The following HK2 variants were observed in gnomAD, a reference collection of about 807,000 sequenced individuals.
HK2 encodes the protein hexokinase-2.
In HK2, 42 loss-of-function variants were observed where a neutral mutation model predicts 92.9. That is an observed-to-expected ratio of 0.45 (90% CI 0.35 to 0.58). The LOEUF is 0.58. Among genes scored for constraint, HK2 ranks in the 20% least tolerant of loss-of-function variants. HK2 has a pLI of 0.00. For missense variants in HK2, 978 were observed against 1,245.1 expected, an observed-to-expected ratio of 0.79 and a Z score of 3.23; for synonymous variants, 422 against 468.0, an observed-to-expected ratio of 0.90 and a Z score of 1.27.
chr2:74,846,407 T>A (rs1185735901), intron 1 of HK2, among the ~76,000 whole-genome samples: 3 of 152,070 alleles, frequency 2.0e-5, no homozygotes, highest in Non-Finnish European at 4.4e-5. Flanking sequence ...CAGTAACAGA[T>A]CATTACCTGA....
chr2:74,883,367 C>CA (rs1246977791), intron 12 of HK2, among the ~76,000 whole-genome samples: 1 of 152,140 alleles, frequency 6.6e-6, no homozygotes, highest in Non-Finnish European at 1.5e-5. Flanking sequence ...AATCCGAGTG[C>CA]ATACCTGGGG....
chr2:74,870,161 A>C (rs1269241353), intron 3 of HK2, among the ~76,000 whole-genome samples: 3 of 151,808 alleles, frequency 2.0e-5, no homozygotes, highest in African/African-American at 7.3e-5. Context: ...GGTGTGCACC[A>C]CCAGGCCCGG....
At chr2:74,855,031 T>C (rs560946262) in intron 2 of HK2, among the ~76,000 whole-genome samples, 44 of 152,282 alleles carry the variant, frequency 2.9e-4, no homozygotes, top group African/African-American at 1.0e-3. Flanking sequence ...AGTTTCACTC[T>C]TGTTGCCCAG....
rs1689716739 is a variant in HK2, at chr2:74,892,961, G to A, written c.*2020G>A. 14 of 151,816 alleles carry A rather than the reference G, an allele frequency of 9.2e-5. No individual in the cohort carries two copies. Among genetic ancestry groups the A allele is most frequent in the Admixed American group, 9.2e-4 (14 of 15,264 alleles). The allele number at this position is 151,816 out of a possible 1,614,324, so 9.4% of individuals were successfully genotyped here. A position where few individuals can be genotyped will look rare whatever the true frequency, so the allele number is the denominator to read the frequency against. Reference sequence around the variant, plus strand: ...TGTAGATTTTAGTTCACTAAAGGGTGCCCACAAAATAGAGATTAATTTTAA... The same window carrying A: ...TGTAGATTTTAGTTCACTAAAGGGTACCCACAAAATAGAGATTAATTTTAA... On this transcript the variant is annotated 3_prime_UTR_variant, in exon 18 of 18. Coordinates refer to ENST00000290573, the MANE Select transcript of HK2 (RefSeq NM_000189.5).
rs78338320 is a variant in HK2 at position 74,843,547 on chromosome 2, G to A, written c.63+8904G>A. Among the ~76,000 whole-genome samples, 200 of 152,222 alleles carry A rather than the reference G, an allele frequency of 1.3e-3. 4 individuals carry two copies. The East Asian group carries it at 0.036, about 27-fold the overall frequency. On this transcript the variant is annotated intron_variant, in intron 1 of 17. Transcript: ENST00000290573. ...CCTGCCTTGGTTAAATCTTATCTCAGCGTTAACCAGGAGAGTGAGTCAGGC... is the reference window on the plus strand; with the variant it reads ...CCTGCCTTGGTTAAATCTTATCTCAACGTTAACCAGGAGAGTGAGTCAGGC...
intron 1 of HK2, among the ~76,000 whole-genome samples, chr2:74,836,460 G>T (rs1328715611): frequency 1.3e-5 from 2 of 152,154 alleles, no homozygotes; most frequent in Non-Finnish European, 2.9e-5. Context: ...TGGACAGCCC[G>T]TTTCTCTTTG....
intron 2 of HK2, 71 bp downstream of exon 2, chr2:74,854,526 C>T: frequency 6.4e-7 from 1 of 1,560,782 alleles, no homozygotes; most frequent in Non-Finnish European, 8.8e-7. Flanking sequence ...TGCTCAGGGA[C>T]CCAAATAACT....
chr2:74,860,471 G>A (rs747327872), intron 2 of HK2, among the ~76,000 whole-genome samples: 2 of 152,150 alleles, frequency 1.3e-5, no homozygotes, highest in Non-Finnish European at 2.9e-5. Context: ...ACATATGTGA[G>A]TTTTGCCTGT....
chr2:74,842,243 T>G (rs559269846), intron 1 of HK2, among the ~76,000 whole-genome samples: 1 of 152,252 alleles, frequency 6.6e-6, no homozygotes, highest in Non-Finnish European at 1.5e-5. Context: ...CTTGATTTTT[T>G]TTTGACTTCA....
At chr2:74,857,999 G>A (rs183379792) in intron 2 of HK2, among the ~76,000 whole-genome samples, 111 of 152,278 alleles carry the variant, frequency 7.3e-4, no homozygotes, top group African/African-American at 2.5e-3. Flanking sequence ...CAGAACATTC[G>A]TTTCTCAGCC....
rs1326439739 is a variant in HK2 at position 74,885,575 on chromosome 2, A to G, written c.1921A>G (p.Ile641Val). 6.2e-7 allele frequency: 1 copy of G among 1,612,638 alleles called. No homozygotes were observed. Among genetic ancestry groups the G allele is most frequent in the Non-Finnish European group, 8.5e-7 (1 of 1,178,736 alleles). Residue 641 changes from isoleucine to valine, a missense_variant, in exon 13 of 18, where the codon ATC (isoleucine) becomes GTC (valine). By Grantham distance (29) the Ile-to-Val change is conservative. This residue lies in a region of HK2 where 742 missense variants were observed against 922.5 expected (regional missense o/e 0.80). Transcript: ENST00000290573. ...CGTGGTGACCCTGCTGAAGGAAGCG[A>G]TCCACCGGCGAGAGGTAGGAGACAC... ...EDVVTLLKEA[I>V]HRREEFDLDV...
At chr2:74,853,015 GAATA>G (rs1033232419) in intron 1 of HK2, among the ~76,000 whole-genome samples, 2 of 152,176 alleles carry the variant, frequency 1.3e-5, no homozygotes, top group African/African-American at 4.8e-5. Context: ...CAAGTTCTTA[GAATA>G]ACAGGGAGGC....
At chr2:74,862,690 G>C (rs1225132770) in intron 2 of HK2, among the ~76,000 whole-genome samples, 1 of 152,182 alleles carries the variant, frequency 6.6e-6, no homozygotes, top group Non-Finnish European at 1.5e-5. Context: ...CGTAGTCCAG[G>C]CGATATAAAT....
intron 1 of HK2, among the ~76,000 whole-genome samples, chr2:74,846,256 ATCT>A (rs1275845050): frequency 2.0e-5 from 3 of 152,186 alleles, no homozygotes; most frequent in Non-Finnish European, 4.4e-5. Context: ...GACCTCTTTA[ATCT>A]TCTTTGGCTC....
At chr2:74,886,166 A>G in intron 13 of HK2, 128 bp from the exon 14 acceptor site, 1 of 786,168 alleles carries the variant, frequency 1.3e-6, no homozygotes, top group South Asian at 1.5e-5. Context: ...ACAGACCTGA[A>G]TGGAATGAGA....
intron 2 of HK2, among the ~76,000 whole-genome samples, chr2:74,863,956 C>A (rs914583122): frequency 1.3e-5 from 2 of 152,220 alleles, no homozygotes; most frequent in Non-Finnish European, 2.9e-5. Flanking sequence ...CAAGGAAGAG[C>A]CAGAGGCTCT....
At chr2:74,873,100 A>G (rs975702814) in intron 4 of HK2, among the ~76,000 whole-genome samples, 176 bp from the exon 5 acceptor site, 1 of 152,246 alleles carries the variant, frequency 6.6e-6, no homozygotes, top group Non-Finnish European at 1.5e-5. Flanking sequence ...ACTGTGTCTT[A>G]TAGTGCCAGT....
In HK2 at chr2:74,873,281, C is replaced by T. The variant is rs138918973; in HGVS notation, c.501C>T (p.Phe167=). ...PCHQTKLDES[F]LVSWTKGFKS... ...ACTTCTTGGTCCCTTTCCAGAGTTT[C>T]CTGGTCTCATGGACCAAGGGATTCA... Residue 167 remains phenylalanine, a synonymous_variant, in exon 5 of 18, where the codon TTC becomes TTT. Coordinates refer to ENST00000290573, the MANE Select transcript of HK2 (RefSeq NM_000189.5). 543 of 1,612,806 alleles carry T rather than the reference C, an allele frequency of 3.4e-4. 2 individuals are homozygous for T. The Middle Eastern group carries it at 3.8e-3, about 11-fold the overall frequency.
In HK2 at chr2:74,840,785, A is replaced by G. The variant is rs1688292697; in HGVS notation, c.63+6142A>G. On this transcript the variant is annotated intron_variant, in intron 1 of 17. Transcript: ENST00000290573. ...TCCCAGCTACTTGGGAGGCTGAGGCAGGAGAATCAGTTGAGCCCGGGAGGT... is the reference window on the plus strand; with the variant it reads ...TCCCAGCTACTTGGGAGGCTGAGGCGGGAGAATCAGTTGAGCCCGGGAGGT... 3.4e-5 allele frequency among the ~76,000 whole-genome samples: 5 copies of G among 148,270 alleles called. 1 individual carries two copies. The South Asian group carries it at 8.8e-4, about 26-fold the overall frequency.
Sources: allele counts gnomAD v4.1 joint callset (sites outside exome capture counted in the v4.1 genomes callset), GRCh38; gene constraint gnomAD v4.1.1; regional missense constraint gnomAD v4.1.1; transcripts MANE v1.5; gene names NCBI Gene and HGNC (gene_info 2026-07-23, HGNC 2026-07-21).